The following DLG2 variants were observed in gnomAD, a reference collection of about 807,000 sequenced individuals.
The protein encoded by DLG2 is disks large homolog 2.
In DLG2, 45 loss-of-function variants were observed where a neutral mutation model predicts 132.5. That is an observed-to-expected ratio of 0.34 (90% CI 0.27 to 0.44). The LOEUF (loss-of-function observed/expected upper bound fraction) is 0.44. Ranked by LOEUF, DLG2 falls within the 20% of genes least tolerant of loss-of-function variation. The pLI, the probability that DLG2 is intolerant of heterozygous loss-of-function variation, is 1.00. For missense variants in DLG2, 1,045 were observed against 1,196.9 expected, an observed-to-expected ratio of 0.87 and a Z score of 1.87; for synonymous variants, 424 against 419.6, an observed-to-expected ratio of 1.01 and a Z score of -0.13.
intron 6 of DLG2, among the ~76,000 whole-genome samples, chr11:84,555,756 A>G (rs188813634): frequency 1.3e-5 from 2 of 152,356 alleles, no homozygotes; most frequent in East Asian, 3.9e-4. Flanking sequence ...AGTGAACATA[A>G]TTAACACTAC....
chr11:85,533,713 G>A (rs1353600783), intron 3 of DLG2, among the ~76,000 whole-genome samples: 1 of 151,988 alleles, frequency 6.6e-6, no homozygotes, highest in Non-Finnish European at 1.5e-5. Context: ...TCCCCTTATT[G>A]GTTTGTTTGA....
intron 19 of DLG2, among the ~76,000 whole-genome samples, chr11:83,578,538 G>T (rs1338391030): frequency 5.3e-5 from 8 of 151,932 alleles, no homozygotes; most frequent in African/African-American, 1.9e-4. Flanking sequence ...AAATTCAAAG[G>T]TACAACTAGG....
intron 6 of DLG2, among the ~76,000 whole-genome samples, chr11:84,678,428 T>C (rs1386872319): frequency 6.6e-6 from 1 of 152,044 alleles, no homozygotes; most frequent in Non-Finnish European, 1.5e-5. Context: ...GGAAGTAGTA[T>C]ATGGAGGTGA....
intron 6 of DLG2, among the ~76,000 whole-genome samples, chr11:84,872,853 TAAGCA>T (rs1306201561): frequency 2.6e-5 from 4 of 152,222 alleles, no homozygotes; most frequent in African/African-American, 9.6e-5. Flanking sequence ...ACACTAACTA[TAAGCA>T]ACTGCGATAC....
intron 3 of DLG2, among the ~76,000 whole-genome samples, chr11:85,492,641 C>G (rs887810939): frequency 3.3e-5 from 5 of 152,160 alleles, no homozygotes; most frequent in Non-Finnish European, 4.4e-5. Flanking sequence ...GTCTGCTTCC[C>G]TTTATTATGT....
At chr11:85,505,849 T>C (rs1478111956) in intron 3 of DLG2, among the ~76,000 whole-genome samples, 1 of 152,224 alleles carries the variant, frequency 6.6e-6, no homozygotes, top group Non-Finnish European at 1.5e-5. Flanking sequence ...CATCTGGTCC[T>C]GGACTTTTTG....
intron 7 of DLG2, among the ~76,000 whole-genome samples, chr11:84,505,416 A>C (rs2099236271): frequency 6.6e-6 from 1 of 152,172 alleles, no homozygotes; most frequent in African/African-American, 2.4e-5. Flanking sequence ...GCAATCTGAG[A>C]CTTAACAAGG....
chr11:84,222,041 A>T (rs1391584067), intron 8 of DLG2, among the ~76,000 whole-genome samples: 3 of 151,176 alleles, frequency 2.0e-5, no homozygotes, highest in Admixed American at 1.3e-4. Flanking sequence ...TATTTTTTTT[A>T]TTTTTTTTTA....
chr11:84,821,627 TAAA>T (rs770947930), intron 6 of DLG2, among the ~76,000 whole-genome samples: 1 of 70,912 alleles, frequency 1.4e-5, no homozygotes, highest in African/African-American at 5.1e-5. Context: ...TCATACAATG[TAAA>T]AAAAAAAAAA....
At chr11:84,863,595 C>G (rs886190605) in intron 6 of DLG2, among the ~76,000 whole-genome samples, 2 of 152,130 alleles carry the variant, frequency 1.3e-5, no homozygotes, top group African/African-American at 4.8e-5. Flanking sequence ...ATAAAGAAAT[C>G]TGGCACTATT....
chr11:84,477,635 C>G (rs566880608), intron 7 of DLG2, among the ~76,000 whole-genome samples: 1 of 152,220 alleles, frequency 6.6e-6, no homozygotes, highest in South Asian at 2.1e-4. Context: ...CAAATGCATA[C>G]GCCTATTTTG....
intron 7 of DLG2, among the ~76,000 whole-genome samples, chr11:84,498,465 TACC>T (rs1567791399): frequency 1.3e-5 from 2 of 152,112 alleles, no homozygotes; most frequent in African/African-American, 4.8e-5. Flanking sequence ...ACAAAATTCT[TACC>T]ACATTCTAAG....
chr11:84,971,972 A>G (rs970343391), intron 6 of DLG2, among the ~76,000 whole-genome samples: 2 of 152,186 alleles, frequency 1.3e-5, no homozygotes, highest in African/African-American at 4.8e-5. Context: ...GCTGTATAGT[A>G]GCTCAGACAA....
At chr11:85,156,443 T>A (rs562498842) in intron 4 of DLG2, among the ~76,000 whole-genome samples, 33 of 152,184 alleles carry the variant, frequency 2.2e-4, no homozygotes, top group Non-Finnish European at 4.7e-4. Context: ...ACTGAGAAGA[T>A]GTGTCATCTC....
intron 6 of DLG2, among the ~76,000 whole-genome samples, chr11:84,742,980 T>A (rs2064882062): frequency 2.6e-5 from 4 of 152,170 alleles, no homozygotes; most frequent in Admixed American, 2.6e-4. Flanking sequence ...TTTTTTTCTT[T>A]CAAAAAATAT....
intron 6 of DLG2, among the ~76,000 whole-genome samples, chr11:84,581,762 C>T (rs1263131709): frequency 1.3e-5 from 2 of 151,868 alleles, no homozygotes; most frequent in African/African-American, 4.8e-5. Context: ...CAAAAATTAG[C>T]CGGGCATGGT....
intron 6 of DLG2, among the ~76,000 whole-genome samples, chr11:85,100,767 G>T (rs1419723648): frequency 6.6e-6 from 1 of 152,140 alleles, no homozygotes; most frequent in East Asian, 1.9e-4. Flanking sequence ...GGTTAGAGAA[G>T]AGAAAAATCT....
chr11:84,054,091 A>G (rs892141636), intron 11 of DLG2, among the ~76,000 whole-genome samples: 11 of 152,104 alleles, frequency 7.2e-5, no homozygotes, highest in Admixed American at 7.2e-4. Flanking sequence ...ATCAATTAAT[A>G]AAACTGTAGC....
intron 14 of DLG2, among the ~76,000 whole-genome samples, chr11:83,951,127 T>C (rs1375107313): frequency 6.6e-6 from 1 of 152,086 alleles, no homozygotes; most frequent in Non-Finnish European, 1.5e-5. Flanking sequence ...TTAAATTAGA[T>C]ACAGTATTAA....
Sources: allele counts gnomAD v4.1 joint callset (sites outside exome capture counted in the v4.1 genomes callset), GRCh38; gene constraint gnomAD v4.1.1; transcripts MANE v1.5; gene names NCBI Gene and HGNC (gene_info 2026-07-23, HGNC 2026-07-21).